The following PRSS54 variants were observed in gnomAD, a reference collection of about 807,000 sequenced individuals.
The protein encoded by PRSS54 is serine protease 54.
PRSS54 carries 16 observed loss-of-function variants against 19.9 expected under a neutral mutation model. The ratio of observed to expected loss-of-function variants is 0.80; its 90% CI spans 0.54 to 1.22. The LOEUF (loss-of-function observed/expected upper bound fraction) is 1.22. Ranked by LOEUF, PRSS54 falls within the 50% of genes most tolerant of loss-of-function variation. The pLI is 0.00. For missense variants in PRSS54, 444 were observed against 494.8 expected (o/e 0.90, Z 0.97); for synonymous variants, 177 against 195.8 (o/e 0.90, Z 0.80).
chr16:58,288,968 A>G (rs2142648594), intron 4 of PRSS54, among the ~76,000 whole-genome samples: 1 of 152,314 alleles, frequency 6.6e-6, no homozygotes, highest in Non-Finnish European at 1.5e-5. Flanking sequence ...TTCTCTTGAA[A>G]ATTTGTAGGT....
At chr16:58,284,401 T>G in intron 6 of PRSS54, 189 bp downstream of exon 6, 1 of 566,490 alleles carries the variant, frequency 1.8e-6, no homozygotes, top group Non-Finnish European at 3.1e-6. Context: ...TCGTGACTGG[T>G]TAGTTCATTC....
At position 58,292,255 on chromosome 16, in the gene PRSS54, C is replaced by T. The variant is rs546417517; in HGVS notation, c.86-1119G>A. Among the ~76,000 whole-genome samples the T allele has an allele frequency of 1.8e-4, 27 of 152,260 alleles. No homozygotes were observed. In the South Asian group the frequency reaches 5.2e-3, roughly 29 times the overall value. On this transcript the variant is annotated intron_variant, in intron 3 of 6. Transcript: ENST00000567164. ...GTGACTCCTTTTTCAGCCATGCATC[C>T]AACCACACTTGGCCCTGGCAGGTGC...
chr16:58,284,594 C>T lies in PRSS54; in HGVS notation c.650G>A (p.Cys217Tyr). Residue 217 changes from cysteine (C) to tyrosine (Y), a missense_variant, in exon 6 of 7, where the codon TGC (cysteine) becomes TAC (tyrosine). By Grantham distance (194) the Cys-to-Tyr change is radical. Transcript: ENST00000567164. ...SHTKEETKTA[C>Y]LGDPGSPMMC... ...TCTACTCCATGATGTTCTTACCAAG[C>T]AGGCAGTCTTGGTTTCCTCTTTCGT... 6.2e-7 allele frequency: 1 copy of T among 1,613,900 alleles called. No individual in the cohort carries two copies. Among genetic ancestry groups the T allele is most frequent in the East Asian group, 2.2e-5 (1 of 44,868 alleles).
chr16:58,285,829 T>G (rs1291618026), intron 5 of PRSS54, 108 bp downstream of exon 5: 1 of 1,287,416 alleles, frequency 7.8e-7, no homozygotes, highest in African/African-American at 1.5e-5. Flanking sequence ...CTCTAGAACC[T>G]CAAGCAAACT....
At chr16:58,294,631 C>A (rs1965107342) in intron 1 of PRSS54, among the ~76,000 whole-genome samples, 2 of 152,186 alleles carry the variant, frequency 1.3e-5, no homozygotes, top group Non-Finnish European at 2.9e-5. Flanking sequence ...CCACCCGCCT[C>A]AGTCTCCCAA....
At chr16:58,287,746 A>C (rs1172117687) in intron 4 of PRSS54, among the ~76,000 whole-genome samples, 1 of 152,184 alleles carries the variant, frequency 6.6e-6, no homozygotes, top group East Asian at 1.9e-4. Flanking sequence ...CACAACTAGT[A>C]AAGTTGCTGG....
chr16:58,286,187 A>C lies in PRSS54; in HGVS notation c.272T>G (p.Ile91Ser), dbSNP rs141787234. The change falls in exon 5 of 7, where the codon ATT (isoleucine) becomes AGT (serine). Residue 91 changes from isoleucine (I) to serine (S), a missense_variant. Ile to Ser is a moderately radical substitution (Grantham distance 142). Transcript: ENST00000567164. ...IASAIQNRKD[I>S]VVIVGISNMD... ...GTTACTTATACCCACTATAACGACA[A>C]TGTCCTTCCTGGAGAGAGAGCAAGG... The C allele has an allele frequency of 2.5e-6, 4 of 1,614,132 alleles. No homozygotes were observed. The highest frequency in any genetic ancestry group is 3.4e-6 in the Non-Finnish European group (4 of 1,179,988).
chr16:58,289,828 C>T (rs1338700837), intron 4 of PRSS54, among the ~76,000 whole-genome samples: 1 of 152,110 alleles, frequency 6.6e-6, no homozygotes, highest in Admixed American at 6.5e-5. Flanking sequence ...CCGCCCGTCT[C>T]AGCCTCCCAA....
chr16:58,286,025 A>C lies in PRSS54; in HGVS notation c.434T>G (p.Val145Gly), dbSNP rs762170428. 16 of 1,614,082 alleles carry C rather than the reference A, an allele frequency of 9.9e-6. No individual in the cohort carries two copies. The highest frequency in any genetic ancestry group is 8.5e-7 in the Non-Finnish European group (1 of 1,180,040). Residue 145 changes from valine (V) to glycine (G), a missense_variant, in exon 5 of 7, where the codon GTC (valine) becomes GGC (glycine). Val to Gly is a moderately radical substitution (Grantham distance 109). Transcript: ENST00000567164. ...TDTAMHFGNL[V>G]QSICFLGRML... Reference sequence around the variant, plus strand: ...TCTGCCGAGGAAGCAGATGGACTGGACCAGGTTGCCAAAATGCATCGCTGT... The same window carrying C: ...TCTGCCGAGGAAGCAGATGGACTGGCCCAGGTTGCCAAAATGCATCGCTGT...
intron 2 of PRSS54, 41 bp downstream of exon 2, chr16:58,293,944 C>G: frequency 3.7e-6 from 3 of 801,134 alleles, no homozygotes; most frequent in Non-Finnish European, 6.2e-6. Flanking sequence ...GAGGCTCCCC[C>G]TCTTTCTACT....
rs1198609594 is a variant in PRSS54 at position 58,284,622 on chromosome 16, G to A, written c.622C>T (p.His208Tyr). The A allele has an allele frequency of 6.2e-7, 1 of 1,614,040 alleles. No homozygotes were observed. Among genetic ancestry groups the A allele is most frequent in the South Asian group, 1.1e-5 (1 of 91,070 alleles). Residue 208 changes from histidine (H) to tyrosine (Y), a missense_variant, in exon 6 of 7, where the codon CAC becomes TAC. Physicochemically the swap from His to Tyr is moderately conservative, Grantham distance 83 (BLOSUM62 2). Coordinates refer to ENST00000567164, the MANE Select transcript of PRSS54 (RefSeq NM_001305173.2). The stretch of plus-strand genomic sequence containing the variant: ...GCAGTCTTGGTTTCCTCTTTCGTGT[G>A]GCTGCCGCATTCTGTCTTCTGGAGT... ...YKLQKTECGS[H>Y]TKEETKTACL...
intron 3 of PRSS54, among the ~76,000 whole-genome samples, chr16:58,292,662 G>T (rs147335875): frequency 2.0e-5 from 3 of 152,322 alleles, no homozygotes; most frequent in South Asian, 2.1e-4. Flanking sequence ...AGGTCACTAA[G>T]TGCATCAGAA....
chr16:58,292,942 G>C (rs1057317606), intron 3 of PRSS54, among the ~76,000 whole-genome samples: 7 of 152,148 alleles, frequency 4.6e-5, no homozygotes, highest in African/African-American at 1.7e-4. Flanking sequence ...GGACCTTTCT[G>C]TGTTTTCTGG....
At chr16:58,294,414 G>A (rs370694354) in intron 1 of PRSS54, among the ~76,000 whole-genome samples, 6 of 152,080 alleles carry the variant, frequency 3.9e-5, no homozygotes, top group Admixed American at 2.0e-4. Flanking sequence ...GCAGTGGCAC[G>A]AGCTTGGCTC....
At chr16:58,293,060 TGA>T (rs1437449615) in intron 3 of PRSS54, among the ~76,000 whole-genome samples, 2 of 151,678 alleles carry the variant, frequency 1.3e-5, no homozygotes, top group African/African-American at 2.4e-5. Flanking sequence ...TGCAAGTGTG[TGA>T]GTGTGTGTGC....
Position 58,280,628 on chromosome 16 carries a change from T to C in PRSS54, c.784A>G (p.Lys262Glu). ...FLYTKVEDYS[K>E]WITSKAERAG... ...CTCTCAGCCTTGGATGTGATCCATT[T>C]GCTGTAGTCTTCCACCTTGGTGTAC... The change falls in exon 7 of 7, where the codon AAA (lysine) becomes GAA (glutamate). Residue 262 changes from lysine to glutamate, a missense_variant. Physicochemically the swap from Lys to Glu is moderately conservative, Grantham distance 56. Transcript: ENST00000567164. The C allele has an allele frequency of 6.2e-7, 1 of 1,614,180 alleles. No homozygotes were observed. Among genetic ancestry groups the C allele is most frequent in the Non-Finnish European group, 8.5e-7 (1 of 1,180,032 alleles).
rs758697357 is a variant in PRSS54, at chr16:58,284,705, G to C, written c.539C>G (p.Thr180Arg). Residue 180 changes from threonine to arginine, a missense_variant, in exon 6 of 7, where the codon ACG (threonine) becomes AGG (arginine). Coordinates refer to ENST00000567164, the MANE Select transcript of PRSS54 (RefSeq NM_001305173.2). ...NPTSATGNHM[T>R]MSVLRKIFVK... ...GAAGATTTTCCTCAGGACACTCATC[G>C]TCATGTGATTTCCTGTCTGGACCAT... 1 of 1,613,980 alleles carries C rather than the reference G, an allele frequency of 6.2e-7. No individual in the cohort carries two copies. Among genetic ancestry groups the C allele is most frequent in the East Asian group, 2.2e-5 (1 of 44,868 alleles).
At chr16:58,285,237 T>C (rs1424970635) in intron 5 of PRSS54, 1 of 156,794 alleles carries the variant, frequency 6.4e-6, no homozygotes, top group Non-Finnish European at 1.4e-5. Context: ...CTTCCTCCTC[T>C]TCTAGAGAGT....
At chr16:58,293,872 G>A in intron 2 of PRSS54, 50 bp from the exon 3 acceptor site, 13 of 1,455,078 alleles carry the variant, frequency 8.9e-6, no homozygotes, top group South Asian at 4.8e-5. Flanking sequence ...ACACATGCAG[G>A]GTTTTCTATG....
Sources: allele counts gnomAD v4.1 joint callset (sites outside exome capture counted in the v4.1 genomes callset), GRCh38; gene constraint gnomAD v4.1.1; transcripts MANE v1.5; gene names NCBI Gene and HGNC (gene_info 2026-07-23, HGNC 2026-07-21).